ARFGEF2: variants seen among roughly 807,000 people sequenced by gnomAD.
ARFGEF2 encodes the protein brefeldin A-inhibited guanine nucleotide-exchange protein 2.
ARFGEF2 carries 74 observed loss-of-function variants against 219.9 expected under a neutral mutation model. The observed-to-expected ratio is 0.34, with a 90% CI of 0.28 to 0.41. ARFGEF2 has a LOEUF of 0.41. Among genes scored for constraint, ARFGEF2 ranks in the 10% least tolerant of loss-of-function variants. The pLI, the probability that ARFGEF2 is intolerant of heterozygous loss-of-function variation, is 1.00. For missense variants in ARFGEF2, 1,743 were observed against 2,218.3 expected (o/e 0.79, Z 4.30); for synonymous variants, 733 against 799.2 (o/e 0.92, Z 1.40).
At chr20:48,983,331 T>C (rs1332660533) in intron 14 of ARFGEF2, among the ~76,000 whole-genome samples, 1 of 152,178 alleles carries the variant, frequency 6.6e-6, no homozygotes, top group Non-Finnish European at 1.5e-5. Context: ...TACACAATCA[T>C]ATATTCCAAC....
intron 33 of ARFGEF2, among the ~76,000 whole-genome samples, chr20:49,017,773 C>A (rs1452173579): frequency 1.3e-5 from 2 of 152,104 alleles, no homozygotes; most frequent in Non-Finnish European, 2.9e-5. Context: ...CTAGCTGCCG[C>A]TTTGTGTGAC....
chr20:49,011,908 C>G lies in ARFGEF2; in HGVS notation c.3758-16C>G. On this transcript the variant is annotated splice_polypyrimidine_tract_variant and intron_variant, in intron 27 of 38. Coordinates refer to ENST00000371917, the MANE Select transcript of ARFGEF2 (RefSeq NM_006420.3). ...AAATCCTGGTCTTATGAAAAATGTG[C>G]CTTGTGTTCCCCCAGCAACTATTTT... 1 of 1,613,930 alleles carries G rather than the reference C, an allele frequency of 6.2e-7. No homozygotes were observed. Among genetic ancestry groups the G allele is most frequent in the Non-Finnish European group, 8.5e-7 (1 of 1,179,956 alleles).
At chr20:49,014,211 G>T (rs1410110714) in intron 30 of ARFGEF2, among the ~76,000 whole-genome samples, 1 of 151,998 alleles carries the variant, frequency 6.6e-6, no homozygotes, top group African/African-American at 2.4e-5. Context: ...CTCAGGCATT[G>T]CACCTTCCAG....
At chr20:48,922,869 G>A (rs1322754045) in intron 1 of ARFGEF2, among the ~76,000 whole-genome samples, 1 of 152,194 alleles carries the variant, frequency 6.6e-6, no homozygotes, top group African/African-American at 2.4e-5. Flanking sequence ...GACGGACATG[G>A]TCCTTACCCC....
rs370864802 is a variant in ARFGEF2 at position 48,921,847 on chromosome 20, G to A, written c.-43G>A. 1,035 of 1,487,502 alleles carry A rather than the reference G, an allele frequency of 7.0e-4. 3 individuals carry two copies. The highest frequency in any genetic ancestry group is 8.0e-4 in the Non-Finnish European group (890 of 1,113,682). 92.1% of individuals were successfully genotyped at this position (1,487,502 alleles called of 1,614,324 possible). A position where few individuals can be genotyped will look rare whatever the true frequency, so the allele number is the denominator to read the frequency against. On this transcript the variant is annotated 5_prime_UTR_variant, in exon 1 of 39. Transcript: ENST00000371917. ...CAGCCTAGCTCGCCATCTCGCTCAC[G>A]CCGCCCGCCCGCGGGGCCGTCAGCC...
intron 16 of ARFGEF2, 111 bp from the exon 17 acceptor site, chr20:48,988,193 G>T: frequency 1.3e-6 from 1 of 770,770 alleles, no homozygotes; most frequent in Non-Finnish European, 2.3e-6. Context: ...TGCCTCATTT[G>T]GAATCAAGGG....
intron 12 of ARFGEF2, 52 bp from the exon 13 acceptor site, chr20:48,974,714 G>C: frequency 6.8e-7 from 1 of 1,466,970 alleles, no homozygotes. Context: ...GTAGATGTCT[G>C]TTCTCTTCAT....
At chr20:48,963,155 A>G (rs1446982955) in intron 6 of ARFGEF2, among the ~76,000 whole-genome samples, 1 of 148,052 alleles carries the variant, frequency 6.8e-6, no homozygotes, top group East Asian at 2.0e-4. Context: ...CAGCCTGGGC[A>G]AGACAGCAAA....
intron 6 of ARFGEF2, among the ~76,000 whole-genome samples, chr20:48,962,559 G>C (rs1461164603): frequency 6.6e-6 from 1 of 152,214 alleles, no homozygotes; most frequent in Non-Finnish European, 1.5e-5. Context: ...AATGACTAAA[G>C]TTTGAGTAAC....
At chr20:48,992,675 G>T (rs1025602155) in intron 21 of ARFGEF2, among the ~76,000 whole-genome samples, 1 of 152,170 alleles carries the variant, frequency 6.6e-6, no homozygotes, top group African/African-American at 2.4e-5. Flanking sequence ...TGTCATCTCC[G>T]TGGCGTATGG....
intron 25 of ARFGEF2, among the ~76,000 whole-genome samples, chr20:49,003,900 A>G (rs2091439733): frequency 6.6e-6 from 1 of 152,196 alleles, no homozygotes; most frequent in African/African-American, 2.4e-5. Context: ...GAGATTGATG[A>G]TATTTATTTT....
chr20:49,031,219 ACTTT>A (rs1310803979), intron 37 of ARFGEF2, among the ~76,000 whole-genome samples: 2 of 81,460 alleles, frequency 2.5e-5, no homozygotes, highest in Non-Finnish European at 4.6e-5. Context: ...TTGAGTTTGG[ACTTT>A]TTTTTTTTTT....
In ARFGEF2 at chr20:48,952,791, T is replaced by C. The variant is rs1254802627; in HGVS notation, c.510T>C (p.Tyr170=). The change falls in exon 5 of 39, where the codon TAT becomes TAC. Residue 170 remains tyrosine, a synonymous_variant. Coordinates refer to ENST00000371917, the MANE Select transcript of ARFGEF2 (RefSeq NM_006420.3). ...CAGTGAGAACATGTTACAATATCTA[T>C]TTGGCCAGCAAAAATCTCATCAATC... ...LQTVRTCYNI[Y]LASKNLINQT... is the part of the protein sequence containing the mutation. The C allele has an allele frequency of 6.2e-7, 1 of 1,614,078 alleles. No individual in the cohort carries two copies. The highest frequency in any genetic ancestry group is 8.5e-7 in the Non-Finnish European group (1 of 1,180,038).
intron 1 of ARFGEF2, among the ~76,000 whole-genome samples, chr20:48,936,691 A>T (rs2090960560): frequency 6.6e-6 from 1 of 151,800 alleles, no homozygotes; most frequent in Admixed American, 6.6e-5. Context: ...CGCCCAGCTA[A>T]TTTTTTTATA....
intron 37 of ARFGEF2, among the ~76,000 whole-genome samples, chr20:49,031,760 A>C (rs771832600): frequency 1.3e-5 from 2 of 151,820 alleles, no homozygotes; most frequent in Non-Finnish European, 2.9e-5. Flanking sequence ...ACTAAAAATC[A>C]AAAAAATTAG....
intron 38 of ARFGEF2, 39 bp downstream of exon 38, chr20:49,032,205 A>T (rs371628409): frequency 6.7e-7 from 1 of 1,486,166 alleles, no homozygotes; most frequent in African/African-American, 1.4e-5. Flanking sequence ...TCACTAGGAC[A>T]TAAAGTTTGG....
At chr20:48,977,292 G>C (rs189011629) in intron 14 of ARFGEF2, among the ~76,000 whole-genome samples, 1 of 152,208 alleles carries the variant, frequency 6.6e-6, no homozygotes, top group East Asian at 1.9e-4. Context: ...CCATGTCCCT[G>C]CAAAGGACAT....
In ARFGEF2 at chr20:48,973,966, A is replaced by G. The variant is rs188480050; in HGVS notation, c.1665+682A>G. On this transcript the variant is annotated intron_variant, in intron 12 of 38. Transcript: ENST00000371917. The stretch of plus-strand genomic sequence containing the variant: ...TTTATTTTTGAAAATCAGTATTTTT[A>G]TTTACTTAAAGGGTGAGCCTTAAAA... Among the ~76,000 whole-genome samples the G allele has an allele frequency of 8.6e-4, 131 of 152,128 alleles. 2 individuals are homozygous for G. Among genetic ancestry groups the G allele is most frequent in the Non-Finnish European group, 2.4e-4 (16 of 67,974 alleles).
Position 49,034,711 on chromosome 20 carries a change from TG to T in ARFGEF2, c.*1513del, listed in dbSNP as rs1303892780. ...TTGGGAACCTATCTGTAAAATCAGA[TG>T]TTTTTTCTTTGTAGAGAAGGATTTC... On this transcript the variant is annotated 3_prime_UTR_variant, in exon 39 of 39. Coordinates refer to ENST00000371917, the MANE Select transcript of ARFGEF2 (RefSeq NM_006420.3). 6.6e-6 allele frequency: 1 copy of T among 152,256 alleles called. No individual in the cohort carries two copies. Among genetic ancestry groups the T allele is most frequent in the East Asian group, 1.9e-4 (1 of 5,206 alleles). 9.4% of individuals were successfully genotyped at this position (152,256 alleles called of 1,614,324 possible). A position where few individuals can be genotyped will look rare whatever the true frequency, so the allele number is the denominator to read the frequency against.
Sources: allele counts gnomAD v4.1 joint callset (sites outside exome capture counted in the v4.1 genomes callset), GRCh38; gene constraint gnomAD v4.1.1; transcripts MANE v1.5; gene names NCBI Gene and HGNC (gene_info 2026-07-23, HGNC 2026-07-21).